The following PLD5 variants were observed in gnomAD, a reference collection of about 807,000 sequenced individuals.
The protein encoded by PLD5 is phospholipase D family member 5.
PLD5 carries 36 observed loss-of-function variants against 61.1 expected under a neutral mutation model. That is an observed-to-expected ratio of 0.59 (90% confidence interval 0.45 to 0.78). PLD5 has a LOEUF of 0.78. Among genes scored for constraint, PLD5 ranks in the 30% least tolerant of loss-of-function variants. The pLI is 0.00. For synonymous variants in PLD5, 243 were observed against 242.8 expected (o/e 1.00, Z -0.01); for missense variants, 515 against 644.4 (o/e 0.80, Z 2.17).
chr1:242,291,603 G>A (rs1391387592), intron 2 of PLD5, among the ~76,000 whole-genome samples: 1 of 152,008 alleles, frequency 6.6e-6, no homozygotes, highest in Non-Finnish European at 1.5e-5. Flanking sequence ...TCAGGAAATT[G>A]AGACCATCTT....
chr1:242,499,712 C>A (rs1378080106), intron 1 of PLD5, among the ~76,000 whole-genome samples: 4 of 152,194 alleles, frequency 2.6e-5, no homozygotes, highest in Non-Finnish European at 1.5e-5. Context: ...AGCTGTCGAA[C>A]AAACCACCCC....
In PLD5 at chr1:242,256,565, C is replaced by G. The variant is rs148831648; in HGVS notation, c.607+8772G>C. 4.8e-3 allele frequency among the ~76,000 whole-genome samples: 728 copies of G among 152,256 alleles called. 4 individuals are homozygous for G. Among genetic ancestry groups the G allele is most frequent in the East Asian group, 0.016 (82 of 5,172 alleles). On this transcript the variant is annotated intron_variant, in intron 4 of 9. Transcript: ENST00000536534. This position sits in a 1 kb window ranked among gnomAD's most constrained non-coding sequence, Gnocchi z 5.7. ...CACGTGAGGACACAGCGTTTGTTCC[C>G]TCTGGGGGATGCAGTAACAAGGCGC...
chr1:242,530,166 T>C, the PLD5 span, among the ~76,000 whole-genome samples: 1 of 152,206 alleles, frequency 6.6e-6, no homozygotes, highest in South Asian at 2.1e-4. Context: ...AGTGCTGGGA[T>C]TACAGGCGTG....
At chr1:242,390,975 G>A (rs909781215) in intron 1 of PLD5, among the ~76,000 whole-genome samples, 1 of 152,026 alleles carries the variant, frequency 6.6e-6, no homozygotes, top group South Asian at 2.1e-4. Flanking sequence ...GGCGGATCAC[G>A]AGGTCAGGAG....
At chr1:242,226,992 G>C (rs1270825895) in intron 4 of PLD5, among the ~76,000 whole-genome samples, 1 of 152,088 alleles carries the variant, frequency 6.6e-6, no homozygotes, top group East Asian at 1.9e-4. Flanking sequence ...GAAAATTAAT[G>C]TTACTACTTT....
chr1:242,186,181 T>C (rs201976331), intron 5 of PLD5, among the ~76,000 whole-genome samples: 7 of 103,166 alleles, frequency 6.8e-5, no homozygotes, highest in Admixed American at 6.8e-4. Context: ...TATATATATA[T>C]ACTTTTTTTT....
intron 1 of PLD5, among the ~76,000 whole-genome samples, chr1:242,409,319 A>G (rs1664416088): frequency 6.6e-6 from 1 of 152,194 alleles, no homozygotes; most frequent in Non-Finnish European, 1.5e-5. Context: ...TGGGCAGGAA[A>G]TTGAACTAGA....
At chr1:242,362,970 A>G (rs1171259591) in intron 1 of PLD5, among the ~76,000 whole-genome samples, 2 of 152,212 alleles carry the variant, frequency 1.3e-5, no homozygotes, top group Non-Finnish European at 2.9e-5. Flanking sequence ...ACCTCGAAAG[A>G]GTCCACCACA....
intron 1 of PLD5, among the ~76,000 whole-genome samples, chr1:242,445,542 A>G (rs1467191354): frequency 6.6e-6 from 1 of 152,088 alleles, no homozygotes; most frequent in Non-Finnish European, 1.5e-5. Context: ...GGGTTTCACC[A>G]TGTTGGCCAG....
rs374106012 is a variant in PLD5, at chr1:242,197,677, C to T, written c.735+22311G>A. On this transcript the variant is annotated intron_variant, in intron 5 of 9. Transcript: ENST00000536534. The stretch of plus-strand genomic sequence containing the variant: ...TGAGACGGAGCCTTGCTCTGTCCCC[C>T]AGGCTGGAATGCAATGATGCGATCT... 5.1e-4 allele frequency among the ~76,000 whole-genome samples: 77 copies of T among 151,738 alleles called. 2 individuals are homozygous for T. The South Asian group carries it at 0.015, about 30-fold the overall frequency.
chr1:242,145,387 T>TG (rs1664475766), intron 5 of PLD5, among the ~76,000 whole-genome samples: 2 of 152,186 alleles, frequency 1.3e-5, no homozygotes, highest in Non-Finnish European at 2.9e-5. Flanking sequence ...ACAATGACCT[T>TG]GTTTGTCTTA....
rs142382112 is a variant in PLD5 at position 242,300,451 on chromosome 1, GAAGA to G, written c.327-11925_327-11922del. ...GGTGGCGGGAGAGGAGGAGGAGGAA[GAAGA>G]AAGAAAGAAAGAAAGAAAGAAAGAA... On this transcript the variant is annotated intron_variant, in intron 2 of 9. Transcript: ENST00000536534. Among the ~76,000 whole-genome samples, 1,283 of 149,706 alleles carry G rather than the reference GAAGA, an allele frequency of 8.6e-3. 15 individuals are homozygous for G. Among genetic ancestry groups the G allele is most frequent in the African/African-American group, 0.023 (936 of 40,568 alleles).
intron 4 of PLD5, among the ~76,000 whole-genome samples, chr1:242,230,763 T>C (rs1206757947): frequency 1.3e-5 from 2 of 152,218 alleles, no homozygotes; most frequent in Non-Finnish European, 2.9e-5. Context: ...TTTTAACATA[T>C]CTATTCAAAT....
intron 2 of PLD5, among the ~76,000 whole-genome samples, chr1:242,341,189 G>C (rs1659810987): frequency 6.6e-6 from 1 of 151,352 alleles, no homozygotes; most frequent in African/African-American, 2.4e-5. Context: ...GCCAAGTAGT[G>C]ACAATTTGGG....
chr1:242,368,352 T>C (rs1439523), intron 1 of PLD5, among the ~76,000 whole-genome samples: 136,204 of 152,138 alleles, frequency 0.9, 62,112 homozygotes, highest in Non-Finnish European at 0.98. Flanking sequence ...TCTGGGGTGA[T>C]ATTCAACGTT....
intron 1 of PLD5, among the ~76,000 whole-genome samples, chr1:242,387,469 T>G (rs1197870181): frequency 6.6e-6 from 1 of 152,096 alleles, no homozygotes; most frequent in Admixed American, 6.6e-5. Context: ...AGTGATGACA[T>G]CCAGGGCGGA....
intron 5 of PLD5, among the ~76,000 whole-genome samples, chr1:242,136,758 T>C (rs1267812826): frequency 2.0e-5 from 3 of 152,202 alleles, no homozygotes; most frequent in Non-Finnish European, 2.9e-5. Context: ...GGGTAAGATG[T>C]GAAATCTGGG....
intron 1 of PLD5, among the ~76,000 whole-genome samples, chr1:242,368,554 T>C (rs988502827): frequency 4.6e-5 from 7 of 152,180 alleles, no homozygotes; most frequent in African/African-American, 1.7e-4. Context: ...CTGATCTACA[T>C]AGGGCATGAA....
chr1:242,407,641 G>A (rs1018390774), intron 1 of PLD5, among the ~76,000 whole-genome samples: 1 of 151,404 alleles, frequency 6.6e-6, no homozygotes. Flanking sequence ...GTGCAGTGGG[G>A]CAATCTCAGC....
Sources: allele counts gnomAD v4.1 joint callset (sites outside exome capture counted in the v4.1 genomes callset), GRCh38; gene constraint gnomAD v4.1.1; non-coding constraint Gnocchi (gnomAD v3.1); transcripts MANE v1.5; gene names NCBI Gene and HGNC (gene_info 2026-07-23, HGNC 2026-07-21).